ARHGAP5: variants seen among roughly 807,000 people sequenced by gnomAD.
ARHGAP5 encodes the protein Rho GTPase activating protein 5, also known as rho GTPase-activating protein 5.
In ARHGAP5, 23 loss-of-function variants were observed where a neutral mutation model predicts 116.6. The ratio of observed to expected loss-of-function variants is 0.20; its 90% confidence interval spans 0.14 to 0.28. ARHGAP5 has a LOEUF of 0.28. Ranked by LOEUF, ARHGAP5 falls within the 10% of genes least tolerant of loss-of-function variation. The pLI, the probability that ARHGAP5 is intolerant of heterozygous loss-of-function variation, is 1.00. For synonymous variants in ARHGAP5, 574 were observed against 602.0 expected, an observed-to-expected ratio of 0.95 and a Z score of 0.68; for missense variants, 1,405 against 1,774.8, an observed-to-expected ratio of 0.79 and a Z score of 3.74.
rs112832100 is a variant in ARHGAP5, at chr14:32,149,773, CAAAAAA to C, written c.3944-123_3944-118del. Reference sequence around the variant, plus strand: ...GGGCAACAAAAGTAAAACTCAGTCTCAAAAAAAAAAAGAAAAAGAAAAGTGGCCCAA... The same window carrying C: ...GGGCAACAAAAGTAAAACTCAGTCTCAAAAAGAAAAAGAAAAGTGGCCCAA... On this transcript the variant is annotated intron_variant, in intron 4 of 6. Transcript: ENST00000345122. 1.0e-5 allele frequency: 4 copies of C among 400,492 alleles called. No individual in the cohort carries two copies. The South Asian group carries it at 2.0e-4, about 20-fold the overall frequency. 24.8% of individuals were successfully genotyped at this position (400,492 alleles called of 1,614,324 possible). A position where few individuals can be genotyped will look rare whatever the true frequency, so the allele number is the denominator to read the frequency against.
chr14:32,104,422 T>C (rs1479895217), intron 2 of ARHGAP5, among the ~76,000 whole-genome samples: 1 of 152,230 alleles, frequency 6.6e-6, no homozygotes, highest in Non-Finnish European at 1.5e-5. Context: ...ATTTATTTAC[T>C]CTGTTGTTTT....
At chr14:32,081,821 T>C (rs1444066861) in intron 1 of ARHGAP5, among the ~76,000 whole-genome samples, 1 of 152,218 alleles carries the variant, frequency 6.6e-6, no homozygotes, top group African/African-American at 2.4e-5. Flanking sequence ...TTGTTTCTTT[T>C]TATACTTACC....
chr14:32,125,254 A>G (rs188946042), intron 3 of ARHGAP5, among the ~76,000 whole-genome samples: 3 of 152,342 alleles, frequency 2.0e-5, no homozygotes, highest in African/African-American at 7.2e-5. Context: ...ATATCAGTAG[A>G]ATCACACAAT....
intron 3 of ARHGAP5, among the ~76,000 whole-genome samples, chr14:32,139,450 T>C (rs1238268272): frequency 6.6e-6 from 1 of 152,128 alleles, no homozygotes; most frequent in Non-Finnish European, 1.5e-5. Flanking sequence ...TTGGTATATT[T>C]CTAAAAAAGT....
intron 4 of ARHGAP5, among the ~76,000 whole-genome samples, chr14:32,147,463 A>G (rs1392277200): frequency 6.6e-6 from 1 of 152,212 alleles, no homozygotes; most frequent in Non-Finnish European, 1.5e-5. Context: ...TATTTGAATG[A>G]AAAGAATTGT....
At chr14:32,110,073 A>G (rs190471048) in intron 2 of ARHGAP5, among the ~76,000 whole-genome samples, 278 of 152,298 alleles carry the variant, frequency 1.8e-3, no homozygotes, top group Non-Finnish European at 2.9e-3. Flanking sequence ...TTATTTTAGA[A>G]GAGACCTCAA....
chr14:32,146,432 TC>T (rs1881383553), intron 4 of ARHGAP5, 92 bp downstream of exon 4: 1 of 932,306 alleles, frequency 1.1e-6, no homozygotes, highest in African/African-American at 1.6e-5. Flanking sequence ...TTTGAAAACT[TC>T]CTAAGGATAT....
intron 5 of ARHGAP5, 37 bp downstream of exon 5, chr14:32,150,070 A>G: frequency 1.3e-6 from 2 of 1,500,406 alleles, no homozygotes; most frequent in Non-Finnish European, 1.8e-6. Context: ...AGGGATGATA[A>G]TGGCAGTTTT....
At chr14:32,084,500 A>G (rs1027559013) in intron 1 of ARHGAP5, among the ~76,000 whole-genome samples, 1 of 152,170 alleles carries the variant, frequency 6.6e-6, no homozygotes, top group African/African-American at 2.4e-5. Context: ...AGCGGTTTGG[A>G]AGCTGATTAT....
chr14:32,121,413 T>C (rs1224242266), intron 3 of ARHGAP5, among the ~76,000 whole-genome samples: 2 of 152,230 alleles, frequency 1.3e-5, no homozygotes, highest in Non-Finnish European at 1.5e-5. Context: ...TCAAGTGATA[T>C]ACCACTTTAA....
At position 32,093,361 on chromosome 14, in the gene ARHGAP5, A is replaced by G. The variant is rs764381821; in HGVS notation, c.2692A>G (p.Lys898Glu). Residue 898 changes from lysine (K) to glutamate (E), a missense_variant, in exon 2 of 7, where the codon AAA (lysine) becomes GAA (glutamate). Transcript: ENST00000345122. ...AGATTTTTTTGAAAATGAGGCTATC[A>G]AAGAGTTAATGACTGAAGGAGAACA... ...QADFFENEAI[K>E]ELMTEGEHIA... 1.2e-6 allele frequency: 2 copies of G among 1,614,064 alleles called. No homozygotes were observed. The highest frequency in any genetic ancestry group is 1.6e-4 in the Middle Eastern group (1 of 6,062).
chr14:32,102,008 G>T (rs1032065313), intron 2 of ARHGAP5, among the ~76,000 whole-genome samples: 2 of 152,010 alleles, frequency 1.3e-5, no homozygotes, highest in African/African-American at 4.8e-5. Context: ...ACTATAGGAA[G>T]GCAATACTTA....
chr14:32,152,608 A>G (rs1881694504), intron 6 of ARHGAP5, 80 bp downstream of exon 6: 1 of 754,440 alleles, frequency 1.3e-6, no homozygotes. Flanking sequence ...AAATTGGATA[A>G]TTATCAGATA....
chr14:32,084,761 C>T (rs2041812312), intron 1 of ARHGAP5, among the ~76,000 whole-genome samples: 1 of 152,122 alleles, frequency 6.6e-6, no homozygotes, highest in Non-Finnish European at 1.5e-5. Flanking sequence ...AAATTGTGTG[C>T]TTTCTGGTAT....
intron 3 of ARHGAP5, among the ~76,000 whole-genome samples, chr14:32,130,312 A>G (rs1228802759): frequency 6.7e-6 from 1 of 149,158 alleles, no homozygotes. Context: ...CCCAGGTTCA[A>G]GTGATTCTCC....
At chr14:32,085,046 C>T (rs1424602292) in intron 1 of ARHGAP5, among the ~76,000 whole-genome samples, 1 of 151,870 alleles carries the variant, frequency 6.6e-6, no homozygotes, top group Non-Finnish European at 1.5e-5. Context: ...TACTCTCCTA[C>T]AGGTATTACA....
At chr14:32,081,473 C>G (rs971520112) in intron 1 of ARHGAP5, among the ~76,000 whole-genome samples, 1 of 146,988 alleles carries the variant, frequency 6.8e-6, no homozygotes, top group Non-Finnish European at 1.5e-5. Context: ...GGCGTGAACC[C>G]AGGAGGCGGA....
intron 1 of ARHGAP5, among the ~76,000 whole-genome samples, chr14:32,089,877 T>C (rs1273791989): frequency 6.6e-6 from 1 of 151,992 alleles, no homozygotes; most frequent in African/African-American, 2.4e-5. Flanking sequence ...AATGCTATCA[T>C]TATTTGTATT....
chr14:32,139,491 C>T (rs939980089), intron 3 of ARHGAP5, among the ~76,000 whole-genome samples: 6 of 152,096 alleles, frequency 3.9e-5, no homozygotes, highest in East Asian at 1.9e-4. Context: ...AATTTGATGG[C>T]GTACAATTGT....
Sources: gnomAD v4.1 joint callset for allele counts (sites outside exome capture counted in the v4.1 genomes callset) on GRCh38, gnomAD v4.1.1 for gene constraint, MANE v1.5 for transcripts, NCBI Gene and HGNC (gene_info 2026-07-23, HGNC 2026-07-21) for gene names.